Variants in ALCAM observed in about 807,000 individuals in gnomAD.
ALCAM encodes the protein activated leukocyte cell adhesion molecule.
ALCAM carries 30 observed loss-of-function variants against 70.9 expected under a neutral mutation model. That is an observed-to-expected ratio of 0.42 (90% confidence interval 0.32 to 0.57). The LOEUF is 0.57. ALCAM is among the 20% of genes least tolerant of loss of function. The pLI, the probability that ALCAM is intolerant of heterozygous loss-of-function variation, is 0.11. For synonymous variants in ALCAM, 249 were observed against 242.5 expected, an observed-to-expected ratio of 1.03 and a Z score of -0.25; for missense variants, 591 against 695.1, an observed-to-expected ratio of 0.85 and a Z score of 1.68.
intron 1 of ALCAM, among the ~76,000 whole-genome samples, chr3:105,441,124 A>G (rs1004056569): frequency 2.0e-5 from 3 of 152,202 alleles, no homozygotes; most frequent in African/African-American, 7.2e-5. Context: ...TCGGTTATTA[A>G]CAGAGTATTT....
At chr3:105,394,972 A>C (rs1935913922) in intron 1 of ALCAM, among the ~76,000 whole-genome samples, 1 of 151,954 alleles carries the variant, frequency 6.6e-6, no homozygotes, top group African/African-American at 2.4e-5. Context: ...ATAATTGGTG[A>C]AATAAAATGC....
At chr3:105,402,382 C>A (rs1057398508) in intron 1 of ALCAM, among the ~76,000 whole-genome samples, 1 of 152,104 alleles carries the variant, frequency 6.6e-6, no homozygotes, top group African/African-American at 2.4e-5. Context: ...CAGAGAGAAT[C>A]CACAGACCCT....
intron 1 of ALCAM, among the ~76,000 whole-genome samples, chr3:105,410,990 A>G (rs1209731365): frequency 1.3e-5 from 2 of 152,072 alleles, no homozygotes; most frequent in African/African-American, 2.4e-5. Flanking sequence ...TGTGTATACC[A>G]TACTTCTCCT....
intron 1 of ALCAM, among the ~76,000 whole-genome samples, chr3:105,419,315 C>G (rs929128890): frequency 6.6e-6 from 1 of 151,708 alleles, no homozygotes; most frequent in Admixed American, 6.6e-5. Context: ...AGATTGACGC[C>G]ACTTCTTTTC....
At chr3:105,481,517 T>C (rs2152607572) in intron 1 of ALCAM, among the ~76,000 whole-genome samples, 1 of 152,312 alleles carries the variant, frequency 6.6e-6, no homozygotes, top group Middle Eastern at 3.4e-3. Context: ...CATTAGGTAT[T>C]GAAGGACTTA....
intron 1 of ALCAM, among the ~76,000 whole-genome samples, chr3:105,388,173 A>T (rs1186707566): frequency 6.6e-6 from 1 of 151,666 alleles, no homozygotes; most frequent in Non-Finnish European, 1.5e-5. Flanking sequence ...GTATAATGTT[A>T]TATTTATAAA....
chr3:105,468,794 A>T (rs1439662946), intron 1 of ALCAM, among the ~76,000 whole-genome samples: 1 of 151,302 alleles, frequency 6.6e-6, no homozygotes, highest in Non-Finnish European at 1.5e-5. Context: ...TGTTTATTTG[A>T]ACAAATGCTG....
chr3:105,468,864 A>T (rs370153548), intron 1 of ALCAM, among the ~76,000 whole-genome samples: 1 of 151,160 alleles, frequency 6.6e-6, no homozygotes, highest in Non-Finnish European at 1.5e-5. Flanking sequence ...ACTTTATTTG[A>T]TTTTTATTTT....
intron 1 of ALCAM, among the ~76,000 whole-genome samples, chr3:105,368,653 A>T (rs1935144642): frequency 6.6e-6 from 1 of 152,098 alleles, no homozygotes; most frequent in Non-Finnish European, 1.5e-5. Flanking sequence ...GAGGTTTGAA[A>T]GCCTCTGAAT....
intron 1 of ALCAM, among the ~76,000 whole-genome samples, chr3:105,457,599 G>A (rs984033605): frequency 6.6e-6 from 1 of 151,960 alleles, no homozygotes; most frequent in Non-Finnish European, 1.5e-5. Context: ...GAAGAAATCA[G>A]GACACTGATG....
Position 105,567,523 on chromosome 3 carries a change from T to C in ALCAM, c.1665-4329T>C, listed in dbSNP as rs1940770363. Among the ~76,000 whole-genome samples, 4 of 152,162 alleles carry C rather than the reference T, an allele frequency of 2.6e-5. No individual in the cohort carries two copies. In the South Asian group the frequency reaches 8.3e-4, roughly 31 times the overall value. On this transcript the variant is annotated intron_variant, in intron 14 of 15. Coordinates refer to ENST00000306107, the MANE Select transcript of ALCAM (RefSeq NM_001627.4). ...GTTTTCCAGAATCTGTGACTTACAATTTTGTTCCTAGGTTCACTAATGCTT... is the reference window on the plus strand; with the variant it reads ...GTTTTCCAGAATCTGTGACTTACAACTTTGTTCCTAGGTTCACTAATGCTT...
chr3:105,374,929 A>G (rs1935340256), intron 1 of ALCAM, among the ~76,000 whole-genome samples: 1 of 152,190 alleles, frequency 6.6e-6, no homozygotes, highest in African/African-American at 2.4e-5. Context: ...AAGCTGGTTT[A>G]TGAGTTTGGT....
chr3:105,396,878 A>G (rs1161357231), intron 1 of ALCAM, among the ~76,000 whole-genome samples: 2 of 152,104 alleles, frequency 1.3e-5, no homozygotes, highest in African/African-American at 4.8e-5. Flanking sequence ...TTTTCATAAA[A>G]AGCATATGTA....
rs951865895 is a variant in ALCAM at position 105,472,687 on chromosome 3, A to G, written c.74-47380A>G. ...TGTTCCAGGCAAGGAACATTCTTGT[A>G]CGGATTGAGATGTCTGAAAATCAAA... On this transcript the variant is annotated intron_variant, in intron 1 of 15. Coordinates refer to ENST00000306107, the MANE Select transcript of ALCAM (RefSeq NM_001627.4). Among the ~76,000 whole-genome samples the G allele has an allele frequency of 4.0e-5, 6 of 151,460 alleles. 1 individual carries two copies. Among genetic ancestry groups the G allele is most frequent in the African/African-American group, 1.5e-4 (6 of 41,356 alleles).
intron 1 of ALCAM, among the ~76,000 whole-genome samples, chr3:105,504,431 T>C (rs777620933): frequency 4.3e-4 from 66 of 152,304 alleles, no homozygotes; most frequent in Non-Finnish European, 7.9e-4. Context: ...CAAGCTTTTA[T>C]TTAGTGGAGG....
At chr3:105,412,412 A>G (rs1374350941) in intron 1 of ALCAM, among the ~76,000 whole-genome samples, 1 of 152,154 alleles carries the variant, frequency 6.6e-6, no homozygotes, top group Non-Finnish European at 1.5e-5. Flanking sequence ...TTGAAATTTA[A>G]GCAGATGTAT....
At position 105,518,891 on chromosome 3, in the gene ALCAM, G is replaced by T. The variant is rs9824743; in HGVS notation, c.74-1176G>T. Among the ~76,000 whole-genome samples, 737 of 152,158 alleles carry T rather than the reference G, an allele frequency of 4.8e-3. 7 individuals are homozygous for T. Among genetic ancestry groups the T allele is most frequent in the African/African-American group, 0.017 (704 of 41,550 alleles). On this transcript the variant is annotated intron_variant, in intron 1 of 15. Transcript: ENST00000306107. ...TGGGGCAAAATTCTTAACCTTAAAT[G>T]AAATTTTGGTATACATGGTGATTGA...
At chr3:105,431,888 T>C (rs1045650758) in intron 1 of ALCAM, among the ~76,000 whole-genome samples, 5 of 152,194 alleles carry the variant, frequency 3.3e-5, no homozygotes, top group Non-Finnish European at 5.9e-5. Context: ...AATTTACTTT[T>C]CAATTCTGCA....
At chr3:105,369,710 T>A (rs1559767624) in intron 1 of ALCAM, among the ~76,000 whole-genome samples, 1 of 152,032 alleles carries the variant, frequency 6.6e-6, no homozygotes, top group East Asian at 1.9e-4. Context: ...TCCGGAGCAG[T>A]TTTAATAGTG....
Sources: allele counts gnomAD v4.1 joint callset (sites outside exome capture counted in the v4.1 genomes callset), GRCh38; gene constraint gnomAD v4.1.1; transcripts MANE v1.5; gene names NCBI Gene and HGNC (gene_info 2026-07-23, HGNC 2026-07-21).